Variants in RAB33A observed in about 807,000 individuals in gnomAD.
The protein encoded by RAB33A is ras-related protein Rab-33A.
A neutral mutation model predicts 12.0 loss-of-function variants in RAB33A; 6 were observed. The observed-to-expected ratio is 0.50, with a 90% CI of 0.27 to 0.99. The LOEUF is 0.99. RAB33A is among the 50% of genes least tolerant of loss of function. RAB33A has a pLI of 0.11. For synonymous variants in RAB33A, 70 were observed against 82.4 expected, an observed-to-expected ratio of 0.85 and a Z score of 0.81; for missense variants, 109 against 192.0, an observed-to-expected ratio of 0.57 and a Z score of 2.55.
upstream of RAB33A, chrX:130,171,614 C>G (rs1054441396): frequency 3.0e-5 from 4 of 134,035 alleles, no homozygotes; most frequent in African/African-American, 9.5e-5. Flanking sequence ...GCCGCTGTCC[C>G]CACCCCGTCT....
At chrX:130,133,423 C>T in the RAB33A span, 5 of 1,210,332 alleles carry the variant, frequency 4.1e-6, no homozygotes, top group South Asian at 1.8e-5. Context: ...TCCTTCCCAA[C>T]TTTATATCGT....
At chrX:130,171,763 A>C, upstream of RAB33A, 1 of 322,517 alleles carries the variant, frequency 3.1e-6, no homozygotes, top group South Asian at 6.1e-5. Context: ...GCACACAGGC[A>C]GAAGGCTCGC....
chrX:130,142,055 C>T, the RAB33A span, among the ~76,000 whole-genome samples: 1 of 112,053 alleles, frequency 8.9e-6, no homozygotes, highest in South Asian at 3.7e-4. Context: ...CCACTCTTTA[C>T]TAGCTGAGAC....
At position 130,184,337 on chromosome X, in the gene RAB33A, A is replaced by G. The variant is rs766255926; in HGVS notation, c.311A>G (p.Glu104Gly). 8.3e-7 allele frequency: 1 copy of G among 1,212,111 alleles called. No homozygotes were observed. Among genetic ancestry groups the G allele is most frequent in the Admixed American group, 2.2e-5 (1 of 46,049 alleles). ...GAACGTTTCCGCAAAAGCATGGTCG[A>G]GCATTACTACCGCAACGTACATGCC... is the stretch of plus-strand genomic sequence containing the variant. ...GQERFRKSMV[E>G]HYYRNVHAVV... The change falls in exon 2 of 2, where the codon GAG becomes GGG. Residue 104 changes from glutamate (E) to glycine (G), a missense_variant. Glu to Gly is a moderately conservative substitution (Grantham distance 98). Coordinates refer to ENST00000257017, the MANE Select transcript of RAB33A (RefSeq NM_004794.3).
chrX:130,179,788 A>G (rs1210623002), intron 1 of RAB33A, among the ~76,000 whole-genome samples: 1 of 99,492 alleles, frequency 1.0e-5, no homozygotes. Context: ...GCCTTTTGAT[A>G]ATGTGTCTGC....
the RAB33A span, among the ~76,000 whole-genome samples, chrX:130,143,179 T>C: frequency 5.4e-5 from 6 of 111,560 alleles, no homozygotes; most frequent in Non-Finnish European, 1.1e-4. Context: ...CCTGGGAGGC[T>C]TCACCTACTC....
At chrX:130,172,522 G>A (rs1569425827) in intron 1 of RAB33A, among the ~76,000 whole-genome samples, 2 of 111,884 alleles carry the variant, frequency 1.8e-5, no homozygotes, top group Non-Finnish European at 3.8e-5. Flanking sequence ...TTTTTAGGGC[G>A]GTTGAGAATG....
chrX:130,127,462 T>C, the RAB33A span, among the ~76,000 whole-genome samples: 4 of 110,956 alleles, frequency 3.6e-5, no homozygotes, highest in South Asian at 3.8e-4. Context: ...ATTAGATGAA[T>C]AGATCATTTA....
the RAB33A span, among the ~76,000 whole-genome samples, chrX:130,149,902 G>A: frequency 1.3e-4 from 14 of 111,834 alleles, no homozygotes; most frequent in African/African-American, 4.2e-4. Flanking sequence ...TGCTAGAAAG[G>A]GCTAATCTAT....
At chrX:130,136,631 T>C in the RAB33A span, 4 of 1,205,152 alleles carry the variant, frequency 3.3e-6, no homozygotes, top group Non-Finnish European at 4.5e-6. Context: ...AGACTATCTT[T>C]TCCTTCCTTA....
At chrX:130,112,258 T>C in the RAB33A span, among the ~76,000 whole-genome samples, 1 of 112,287 alleles carries the variant, frequency 8.9e-6, no homozygotes, top group African/African-American at 3.2e-5. Context: ...GGGCATGCTT[T>C]TCCCAGGGGA....
chrX:130,156,495 A>G, the RAB33A span: 1 of 1,211,805 alleles, frequency 8.3e-7, no homozygotes, highest in South Asian at 1.8e-5. Context: ...TAAGCCCACA[A>G]TAAGGACTAA....
the RAB33A span, chrX:130,131,741 G>A: frequency 1.7e-6 from 2 of 1,210,089 alleles, no homozygotes; most frequent in African/African-American, 3.5e-5. Context: ...CCAACTGTGG[G>A]CAAACTACTG....
chrX:130,154,576 T>C, the RAB33A span, among the ~76,000 whole-genome samples: 1 of 112,093 alleles, frequency 8.9e-6, no homozygotes, highest in Non-Finnish European at 1.9e-5. Flanking sequence ...AATTAGAGAT[T>C]ACAAAGGGAC....
the RAB33A span, chrX:130,133,572 T>C: frequency 2.1e-6 from 2 of 934,801 alleles, no homozygotes; most frequent in Non-Finnish European, 3.0e-6. Context: ...ATTCATGTTT[T>C]CCATCTACAG....
the RAB33A span, among the ~76,000 whole-genome samples, chrX:130,152,642 G>A: frequency 8.9e-6 from 1 of 111,908 alleles, no homozygotes; most frequent in Admixed American, 9.5e-5. Context: ...CTATTCTAAA[G>A]GCCACTTTGG....
chrX:130,150,237 T>A, the RAB33A span, among the ~76,000 whole-genome samples: 1 of 110,931 alleles, frequency 9.0e-6, no homozygotes, highest in Non-Finnish European at 1.9e-5. Flanking sequence ...ATCTTCTCTA[T>A]CCTTTCAAAT....
the RAB33A span, chrX:130,137,057 A>T: frequency 8.3e-7 from 1 of 1,211,479 alleles, no homozygotes; most frequent in Non-Finnish European, 1.1e-6. Context: ...GAGTGGCAGC[A>T]TATAGAAACA....
the RAB33A span, among the ~76,000 whole-genome samples, chrX:130,115,322 T>C: frequency 8.9e-6 from 1 of 111,976 alleles, no homozygotes; most frequent in East Asian, 2.8e-4. Flanking sequence ...ACTAGAAAAG[T>C]TGCCTATTGG....
Sources: allele counts gnomAD v4.1 joint callset (sites outside exome capture counted in the v4.1 genomes callset), GRCh38; gene constraint gnomAD v4.1.1; transcripts MANE v1.5; gene names NCBI Gene and HGNC (gene_info 2026-07-23, HGNC 2026-07-21).